The following CSMD1 variants were observed in gnomAD, a reference collection of about 807,000 sequenced individuals.
The protein encoded by CSMD1 is CUB and sushi domain-containing protein 1.
Under a neutral mutation model 417.5 loss-of-function variants are expected in CSMD1, and 213 were observed. The observed-to-expected ratio is 0.51, with a 90% CI of 0.46 to 0.57. The LOEUF is 0.57. Among genes scored for constraint, CSMD1 ranks in the 20% least tolerant of loss-of-function variants. The probability of loss-of-function intolerance (pLI) is 0.00; values close to 1 mark genes in which losing one functional copy is unlikely to be tolerated. For missense variants in CSMD1, 6,923 were observed against 4,529.7 expected, an observed-to-expected ratio of 1.53 and a Z score of -15.17; for synonymous variants, 2,862 against 1,736.8, an observed-to-expected ratio of 1.65 and a Z score of -16.11.
At chr8:3,444,036 G>T (rs192865534) in intron 12 of CSMD1, among the ~76,000 whole-genome samples, 36 of 152,166 alleles carry the variant, frequency 2.4e-4, no homozygotes, top group African/African-American at 7.2e-4. Context: ...TGTGAATCAG[G>T]CGTATCAGCA....
chr8:3,253,760 A>T (rs942745010), intron 26 of CSMD1, among the ~76,000 whole-genome samples: 5 of 152,082 alleles, frequency 3.3e-5, no homozygotes, highest in Non-Finnish European at 7.4e-5. Flanking sequence ...TTTTGAGCCT[A>T]TGTGTGTCTC....
At chr8:4,478,883 G>A (rs972933908) in intron 2 of CSMD1, among the ~76,000 whole-genome samples, 3 of 152,128 alleles carry the variant, frequency 2.0e-5, no homozygotes, top group African/African-American at 4.8e-5. Context: ...GACTTAAAAA[G>A]CAGACAAATG....
chr8:3,723,200 C>T (rs528835541), intron 6 of CSMD1, among the ~76,000 whole-genome samples: 3 of 152,284 alleles, frequency 2.0e-5, no homozygotes, highest in South Asian at 4.1e-4. Context: ...CTCAGGGAAG[C>T]TTGTGGCCAT....
At chr8:4,832,637 T>C (rs1262686631) in intron 1 of CSMD1, among the ~76,000 whole-genome samples, 1 of 152,216 alleles carries the variant, frequency 6.6e-6, no homozygotes, top group Non-Finnish European at 1.5e-5. Flanking sequence ...CAAATCTATC[T>C]GCTAAATGCT....
chr8:3,765,123 G>C (rs1400390809), intron 5 of CSMD1, among the ~76,000 whole-genome samples: 2 of 152,102 alleles, frequency 1.3e-5, no homozygotes, highest in East Asian at 1.9e-4. Context: ...TAGTACTGAA[G>C]ACCCTTTATA....
chr8:3,621,291 A>G (rs1796232034), intron 7 of CSMD1, among the ~76,000 whole-genome samples: 1 of 152,232 alleles, frequency 6.6e-6, no homozygotes, highest in African/African-American at 2.4e-5. Context: ...GGCGTTGAAT[A>G]GTAAGTTAAT....
chr8:4,599,477 T>A (rs1289968569), intron 2 of CSMD1, among the ~76,000 whole-genome samples: 2 of 152,088 alleles, frequency 1.3e-5, no homozygotes, highest in Non-Finnish European at 2.9e-5. Flanking sequence ...AAGCTCAAAT[T>A]TGAGTGGAAC....
chr8:3,141,161 G>A (rs1174220882), intron 41 of CSMD1, among the ~76,000 whole-genome samples: 1 of 152,158 alleles, frequency 6.6e-6, no homozygotes, highest in Non-Finnish European at 1.5e-5. Context: ...AGTTGACTAC[G>A]GCCATGGGAG....
At chr8:3,268,842 GC>G (rs757794944) in intron 26 of CSMD1, among the ~76,000 whole-genome samples, 8 of 152,176 alleles carry the variant, frequency 5.3e-5, no homozygotes, top group Non-Finnish European at 1.0e-4. Flanking sequence ...AATGACTGTT[GC>G]CTGAGGTATG....
intron 1 of CSMD1, among the ~76,000 whole-genome samples, chr8:4,976,395 A>T (rs1229203596): frequency 1.3e-5 from 2 of 152,252 alleles, no homozygotes; most frequent in African/African-American, 2.4e-5. Context: ...CATTAAATTA[A>T]TGAAGGCATT....
intron 7 of CSMD1, among the ~76,000 whole-genome samples, chr8:3,650,289 A>AT (rs1797787515): frequency 6.6e-6 from 1 of 151,764 alleles, no homozygotes; most frequent in East Asian, 1.9e-4. Flanking sequence ...GAAAAAAAAA[A>AT]GAAAAGTAAA....
At chr8:3,287,291 T>G (rs531240468) in intron 25 of CSMD1, among the ~76,000 whole-genome samples, 1 of 152,056 alleles carries the variant, frequency 6.6e-6, no homozygotes, top group East Asian at 1.9e-4. Context: ...TCGGGCTCTT[T>G]TTTGGTTCCA....
At chr8:3,357,788 A>G (rs1348654312) in intron 21 of CSMD1, among the ~76,000 whole-genome samples, 1 of 152,196 alleles carries the variant, frequency 6.6e-6, no homozygotes, top group Non-Finnish European at 1.5e-5. Flanking sequence ...TTGAGATAAC[A>G]GTCAAAATTT....
intron 2 of CSMD1, among the ~76,000 whole-genome samples, chr8:4,571,932 AG>A (rs1798913445): frequency 6.6e-6 from 1 of 152,216 alleles, no homozygotes; most frequent in South Asian, 2.1e-4. Flanking sequence ...ATCAGAGACT[AG>A]GATTGCAACC....
At chr8:4,362,592 G>T (rs1801835535) in intron 3 of CSMD1, among the ~76,000 whole-genome samples, 1 of 152,142 alleles carries the variant, frequency 6.6e-6, no homozygotes, top group African/African-American at 2.4e-5. Context: ...GCACAAAATA[G>T]CTGCTCAATA....
At chr8:4,255,572 C>G (rs1419566669) in intron 3 of CSMD1, among the ~76,000 whole-genome samples, 5 of 152,084 alleles carry the variant, frequency 3.3e-5, no homozygotes, top group Non-Finnish European at 7.4e-5. Context: ...AGAATTTTTT[C>G]TAAGACACAG....
chr8:3,206,110 C>T (rs981483774), intron 30 of CSMD1, among the ~76,000 whole-genome samples: 1 of 152,028 alleles, frequency 6.6e-6, no homozygotes, highest in African/African-American at 2.4e-5. Context: ...TCAGTAAAAG[C>T]AACATGCATA....
chr8:3,984,743 A>ATATG (rs1814185920), intron 5 of CSMD1, among the ~76,000 whole-genome samples: 2 of 86,366 alleles, frequency 2.3e-5, no homozygotes, highest in East Asian at 7.2e-4. Context: ...ATATATATAT[A>ATATG]TATATATATT....
rs1207828821 is a variant in CSMD1 at position 3,815,623 on chromosome 8, TTTC to T, written c.819-61584_819-61582del. Among the ~76,000 whole-genome samples the T allele has an allele frequency of 9.1e-3, 517 of 56,606 alleles. 3 individuals carry two copies. Among genetic ancestry groups the T allele is most frequent in the Non-Finnish European group, 0.014 (404 of 29,140 alleles). 37.1% of individuals were successfully genotyped at this position (56,606 alleles called of 152,430 possible). A position where few individuals can be genotyped will look rare whatever the true frequency, so the allele number is the denominator to read the frequency against. ...TTAAAAATGTCTATCACTGCTAGACTTTCTTTTTTTTTTTTTTTAACAAATAAA... is the reference window on the plus strand; with the variant it reads ...TTAAAAATGTCTATCACTGCTAGACTTTTTTTTTTTTTTTTAACAAATAAA... On this transcript the variant is annotated intron_variant, in intron 5 of 69. Coordinates refer to ENST00000635120, the MANE Select transcript of CSMD1 (RefSeq NM_033225.6).
Sources: allele counts gnomAD v4.1 joint callset (sites outside exome capture counted in the v4.1 genomes callset), GRCh38; gene constraint gnomAD v4.1.1; transcripts MANE v1.5; gene names NCBI Gene and HGNC (gene_info 2026-07-23, HGNC 2026-07-21).